Variants in FAF2 observed in about 807,000 individuals in gnomAD.
FAF2 encodes the protein FAS-associated factor 2.
FAF2 carries 9 observed loss-of-function variants against 62.3 expected under a neutral mutation model. The ratio of observed to expected loss-of-function variants is 0.14; its 90% CI spans 0.09 to 0.25. FAF2 has a LOEUF of 0.25. FAF2 is among the 10% of genes least tolerant of loss of function. FAF2 has a pLI of 1.00. For synonymous variants in FAF2, 202 were observed against 198.0 expected (o/e 1.02, Z -0.17); for missense variants, 368 against 556.2 (o/e 0.66, Z 3.40).
At chr5:176,464,287 G>A (rs1203327608) in intron 1 of FAF2, among the ~76,000 whole-genome samples, 2 of 151,846 alleles carry the variant, frequency 1.3e-5, no homozygotes, top group Non-Finnish European at 2.9e-5. Context: ...ATATTGTGGG[G>A]GGTTTTTTTG....
chr5:176,498,363 A>G (rs1409155351), intron 8 of FAF2, among the ~76,000 whole-genome samples: 1 of 152,208 alleles, frequency 6.6e-6, no homozygotes, highest in East Asian at 1.9e-4. Context: ...AATCTGTTCA[A>G]CTATTTTGAT....
chr5:176,451,851 T>TAC (rs1758184273), intron 1 of FAF2, among the ~76,000 whole-genome samples: 1 of 46,514 alleles, frequency 2.1e-5, no homozygotes, highest in Non-Finnish European at 3.7e-5. Flanking sequence ...TACACACATA[T>TAC]ATATACACAT....
intron 1 of FAF2, among the ~76,000 whole-genome samples, chr5:176,465,286 G>T (rs1011563622): frequency 2.0e-5 from 3 of 151,890 alleles, no homozygotes; most frequent in Non-Finnish European, 2.9e-5. Flanking sequence ...GCCTAAAGGA[G>T]AACAGTTTTA....
At chr5:176,472,024 A>C (rs1044381519) in intron 1 of FAF2, among the ~76,000 whole-genome samples, 1 of 151,856 alleles carries the variant, frequency 6.6e-6, no homozygotes, top group Non-Finnish European at 1.5e-5. Context: ...CCCTTTCCCT[A>C]TAGGAAATAA....
intron 1 of FAF2, among the ~76,000 whole-genome samples, chr5:176,477,982 C>T (rs1276141233): frequency 6.6e-6 from 1 of 152,080 alleles, no homozygotes; most frequent in Non-Finnish European, 1.5e-5. Context: ...TCTGTCCCTC[C>T]AACATAGTAA....
At chr5:176,498,604 G>C (rs995970331) in intron 8 of FAF2, among the ~76,000 whole-genome samples, 1 of 152,178 alleles carries the variant, frequency 6.6e-6, no homozygotes, top group Non-Finnish European at 1.5e-5. Flanking sequence ...TGTAAAATAT[G>C]ATATTGATGA....
intron 1 of FAF2, among the ~76,000 whole-genome samples, chr5:176,456,796 C>G (rs1238348177): frequency 6.6e-6 from 1 of 152,158 alleles, no homozygotes; most frequent in Non-Finnish European, 1.5e-5. Flanking sequence ...AATTTGAAAT[C>G]AACTTTTTAA....
intron 3 of FAF2, among the ~76,000 whole-genome samples, chr5:176,487,933 C>A (rs1758902759): frequency 1.3e-5 from 2 of 152,132 alleles, no homozygotes; most frequent in Non-Finnish European, 2.9e-5. Context: ...ACCTCAGCTT[C>A]CCAGGTTCAA....
At chr5:176,505,577 C>T (rs1303812921) in intron 10 of FAF2, among the ~76,000 whole-genome samples, 2 of 152,144 alleles carry the variant, frequency 1.3e-5, no homozygotes, top group Non-Finnish European at 2.9e-5. Flanking sequence ...GAGCAGTATA[C>T]ACTATACCCT....
At chr5:176,459,690 T>TGTGTGG (rs1157128122) in intron 1 of FAF2, among the ~76,000 whole-genome samples, 2 of 152,124 alleles carry the variant, frequency 1.3e-5, no homozygotes, top group Admixed American at 6.6e-5. Flanking sequence ...CATAGATATT[T>TGTGTGG]GTGTGGGTGT....
At chr5:176,504,628 G>T (rs1349358176) in intron 10 of FAF2, among the ~76,000 whole-genome samples, 1 of 151,922 alleles carries the variant, frequency 6.6e-6, no homozygotes, top group Non-Finnish European at 1.5e-5. Context: ...TTCATACCAA[G>T]AATACTTGGT....
chr5:176,503,587 T>C (rs1019034935), intron 10 of FAF2, among the ~76,000 whole-genome samples: 3 of 151,830 alleles, frequency 2.0e-5, no homozygotes, highest in African/African-American at 7.3e-5. Flanking sequence ...TTGTATCACC[T>C]TCCTGTGAAC....
At chr5:176,492,172 A>G in intron 4 of FAF2, 22 bp from the exon 5 acceptor site, 1 of 1,613,884 alleles carries the variant, frequency 6.2e-7, no homozygotes, top group Non-Finnish European at 8.5e-7. Flanking sequence ...GATTCATGTG[A>G]TATTTATTCC....
At chr5:176,492,699 T>A (rs1758994276) in intron 5 of FAF2, among the ~76,000 whole-genome samples, 1 of 152,212 alleles carries the variant, frequency 6.6e-6, no homozygotes, top group Admixed American at 6.5e-5. Context: ...TTCAACTAGA[T>A]TATGTCACGC....
At chr5:176,475,939 T>G (rs1354816230) in intron 1 of FAF2, among the ~76,000 whole-genome samples, 1 of 152,042 alleles carries the variant, frequency 6.6e-6, no homozygotes, top group Non-Finnish European at 1.5e-5. Context: ...CAGCTTGGCA[T>G]CTAGTCAGAA....
At chr5:176,488,909 G>A (rs766782936) in intron 3 of FAF2, 42 bp from the exon 4 acceptor site, 2 of 1,470,152 alleles carry the variant, frequency 1.4e-6, no homozygotes, top group Non-Finnish European at 1.9e-6. Flanking sequence ...AAAATATTAG[G>A]GATTGAGAGA....
chr5:176,486,210 G>A lies in FAF2; in HGVS notation c.133-145G>A, dbSNP rs181020344. 13 of 900,890 alleles carry A rather than the reference G, an allele frequency of 1.4e-5. No individual in the cohort carries two copies. The African/African-American group carries it at 2.2e-4, about 15-fold the overall frequency. 55.8% of individuals were successfully genotyped at this position (900,890 alleles called of 1,614,324 possible). ...TGCCTCCAAGTACAGCCGGTTAACA[G>A]GCCCATGAAGGTGCACTCCTCAGTG... On this transcript the variant is annotated intron_variant, in intron 2 of 10. Coordinates refer to ENST00000261942, the MANE Select transcript of FAF2 (RefSeq NM_014613.3).
intron 3 of FAF2, among the ~76,000 whole-genome samples, chr5:176,488,012 T>C (rs1338229687): frequency 6.6e-6 from 1 of 152,074 alleles, no homozygotes; most frequent in East Asian, 1.9e-4. Context: ...CTGGCTAATT[T>C]TTGTATTTTT....
intron 1 of FAF2, among the ~76,000 whole-genome samples, chr5:176,462,353 C>G (rs145597081): frequency 1.2e-4 from 19 of 152,138 alleles, no homozygotes; most frequent in African/African-American, 4.3e-4. Context: ...ATAGACTGCA[C>G]AGTGGCTCAT....
Sources: gnomAD v4.1 joint callset for allele counts (sites outside exome capture counted in the v4.1 genomes callset) on GRCh38, gnomAD v4.1.1 for gene constraint, MANE v1.5 for transcripts, NCBI Gene and HGNC (gene_info 2026-07-23, HGNC 2026-07-21) for gene names.